The following PHACTR1 variants were observed in gnomAD, a reference collection of about 807,000 sequenced individuals.
The protein encoded by PHACTR1 is RPEL repeat containing 1.
In PHACTR1, 16 loss-of-function variants were observed where a neutral mutation model predicts 69.2. The observed-to-expected ratio is 0.23, with a 90% CI of 0.16 to 0.35. The LOEUF is 0.35. Ranked by LOEUF, PHACTR1 falls within the 10% of genes least tolerant of loss-of-function variation. The pLI is 1.00. For synonymous variants in PHACTR1, 312 were observed against 284.5 expected (o/e 1.10, Z -0.97); for missense variants, 510 against 734.7 (o/e 0.69, Z 3.54).
At chr6:13,249,581 C>G (rs1584223889) in intron 10 of PHACTR1, among the ~76,000 whole-genome samples, 1 of 151,994 alleles carries the variant, frequency 6.6e-6, no homozygotes, top group East Asian at 1.9e-4. Context: ...GGTGGATCAC[C>G]TAAGGTCAGG....
intron 4 of PHACTR1, among the ~76,000 whole-genome samples, chr6:12,996,229 T>C (rs1265686622): frequency 6.6e-6 from 1 of 151,844 alleles, no homozygotes; most frequent in Non-Finnish European, 1.5e-5. Context: ...AGAGGTGAAA[T>C]TCATGGAAAG....
chr6:13,285,826 A>C (rs1365502798), intron 13 of PHACTR1, among the ~76,000 whole-genome samples: 1 of 152,088 alleles, frequency 6.6e-6, no homozygotes, highest in African/African-American at 2.4e-5. Context: ...TTGACATTGA[A>C]TGTGTTCTTG....
chr6:12,755,062 T>G (rs1767143446), intron 4 of PHACTR1, among the ~76,000 whole-genome samples: 1 of 152,216 alleles, frequency 6.6e-6, no homozygotes, highest in South Asian at 2.1e-4. Flanking sequence ...TGAAACAACT[T>G]GAACACAGAA....
rs192072049 is a variant in PHACTR1 at position 13,249,518 on chromosome 6, G to A, written c.1391+19325G>A. On this transcript the variant is annotated intron_variant, in intron 10 of 14. Transcript: ENST00000332995. ...CTACACTAAAATGTGTGGTGATTAA[G>A]CCGGGCGTGGTGGCTCATGCCTGTA... Among the ~76,000 whole-genome samples, 934 of 152,306 alleles carry A rather than the reference G, an allele frequency of 6.1e-3. 4 individuals carry two copies. Among genetic ancestry groups the A allele is most frequent in the Middle Eastern group, 0.014 (4 of 294 alleles).
At chr6:12,904,989 AG>A (rs1785572443) in intron 4 of PHACTR1, among the ~76,000 whole-genome samples, 1 of 152,192 alleles carries the variant, frequency 6.6e-6, no homozygotes, top group South Asian at 2.1e-4. Context: ...ATAGCAGGAA[AG>A]TCCAGTGGAA....
At chr6:13,093,376 A>G (rs1248637940) in intron 5 of PHACTR1, among the ~76,000 whole-genome samples, 2 of 152,248 alleles carry the variant, frequency 1.3e-5, no homozygotes, top group Admixed American at 1.3e-4. Context: ...ATCCAAGTCC[A>G]TAAATTGAGA....
At chr6:13,134,191 G>A (rs1394366391) in intron 5 of PHACTR1, among the ~76,000 whole-genome samples, 28 of 150,104 alleles carry the variant, frequency 1.9e-4, no homozygotes, top group Non-Finnish European at 3.4e-4. Flanking sequence ...CAGCCACCCC[G>A]TCCCGGAGGG....
At chr6:12,798,472 G>T (rs556906346) in intron 4 of PHACTR1, among the ~76,000 whole-genome samples, 1 of 152,280 alleles carries the variant, frequency 6.6e-6, no homozygotes, top group South Asian at 2.1e-4. Context: ...TATTGGAAAG[G>T]CATTCCAGAC....
chr6:13,022,948 CA>C (rs1487949659), intron 4 of PHACTR1, among the ~76,000 whole-genome samples: 3 of 151,958 alleles, frequency 2.0e-5, no homozygotes, highest in Non-Finnish European at 4.4e-5. Context: ...GCCCAGGAGG[CA>C]AAAGTTGCAG....
At chr6:12,915,541 GGA>G (rs1786892479) in intron 4 of PHACTR1, among the ~76,000 whole-genome samples, 1 of 150,428 alleles carries the variant, frequency 6.6e-6, no homozygotes, top group Non-Finnish European at 1.5e-5. Context: ...AAAAACAGGA[GGA>G]GAAGTGCCCT....
chr6:12,916,928 T>G (rs946653544), intron 4 of PHACTR1, among the ~76,000 whole-genome samples: 1 of 149,508 alleles, frequency 6.7e-6, no homozygotes, highest in African/African-American at 2.6e-5. Flanking sequence ...ATGACTAATG[T>G]TTTTTTACTT....
chr6:12,837,662 G>A (rs946290770), intron 4 of PHACTR1, among the ~76,000 whole-genome samples: 3 of 151,434 alleles, frequency 2.0e-5, no homozygotes, highest in Non-Finnish European at 3.0e-5. Context: ...CTACCCCAAC[G>A]TAGCTATGTG....
chr6:13,241,857 C>T (rs1252041563), intron 10 of PHACTR1, among the ~76,000 whole-genome samples: 6 of 150,506 alleles, frequency 4.0e-5, no homozygotes, highest in Non-Finnish European at 8.9e-5. Context: ...AACCCCATCT[C>T]TACTAAAAAT....
At chr6:13,092,619 C>G (rs1017624308) in intron 5 of PHACTR1, among the ~76,000 whole-genome samples, 2 of 152,304 alleles carry the variant, frequency 1.3e-5, no homozygotes, top group South Asian at 4.1e-4. Flanking sequence ...TTATACAACT[C>G]ACCATAATAT....
rs139850148 is a variant in PHACTR1 at position 13,151,395 on chromosome 6, A to G, written c.416-8809A>G. Among the ~76,000 whole-genome samples the G allele has an allele frequency of 6.2e-3, 952 of 152,358 alleles. 5 individuals carry two copies. Among genetic ancestry groups the G allele is most frequent in the Non-Finnish European group, 0.011 (755 of 68,030 alleles). Reference sequence around the variant, plus strand: ...CAATACTTAAAAGTCATGGAACATAAGAGTTTCTTTCTTCCATCAGTACTG... The same window carrying G: ...CAATACTTAAAAGTCATGGAACATAGGAGTTTCTTTCTTCCATCAGTACTG... On this transcript the variant is annotated intron_variant, in intron 5 of 14. Coordinates refer to ENST00000332995, the MANE Select transcript of PHACTR1 (RefSeq NM_030948.6).
rs527760412 is a variant in PHACTR1, at chr6:12,805,816, G to T, written c.250+56026G>T. Among the ~76,000 whole-genome samples, 219 of 152,200 alleles carry T rather than the reference G, an allele frequency of 1.4e-3. 1 individual carries two copies. Among genetic ancestry groups the T allele is most frequent in the African/African-American group, 5.0e-3 (207 of 41,520 alleles). Reference sequence around the variant, plus strand: ...GGGTTTCACCACATTGGCCAAGATTGTCTCGAACTCCTGACTTCAGGTGAT... The same window carrying T: ...GGGTTTCACCACATTGGCCAAGATTTTCTCGAACTCCTGACTTCAGGTGAT... On this transcript the variant is annotated intron_variant, in intron 4 of 14. Transcript: ENST00000332995.
chr6:12,911,267 G>A (rs1268802361), intron 4 of PHACTR1, among the ~76,000 whole-genome samples: 1 of 152,006 alleles, frequency 6.6e-6, no homozygotes, highest in Non-Finnish European at 1.5e-5. Context: ...TCAATTTTCT[G>A]TGTTTCTTCT....
intron 3 of PHACTR1, among the ~76,000 whole-genome samples, chr6:12,738,814 G>A (rs932737987): frequency 6.6e-6 from 1 of 152,138 alleles, no homozygotes; most frequent in African/African-American, 2.4e-5. Context: ...GCAGTGAGCC[G>A]AGATCACGCC....
intron 5 of PHACTR1, among the ~76,000 whole-genome samples, chr6:13,106,433 A>G (rs1355822818): frequency 6.6e-6 from 1 of 152,118 alleles, no homozygotes; most frequent in African/African-American, 2.4e-5. Context: ...ATCATTAAGT[A>G]TGATGTTAGC....
Sources: gnomAD v4.1 joint callset for allele counts (sites outside exome capture counted in the v4.1 genomes callset) on GRCh38, gnomAD v4.1.1 for gene constraint, MANE v1.5 for transcripts, NCBI Gene and HGNC (gene_info 2026-07-23, HGNC 2026-07-21) for gene names.